Variants in RTN4 observed in about 807,000 individuals in gnomAD.
RTN4 encodes the protein reticulon-4.
Under a neutral mutation model 90.4 loss-of-function variants are expected in RTN4, and 32 were observed. That is an observed-to-expected ratio of 0.35 (90% CI 0.27 to 0.48). The LOEUF is 0.48. Ranked by LOEUF, RTN4 falls within the 20% of genes least tolerant of loss-of-function variation. RTN4 has a pLI of 0.99. For missense variants in RTN4, 1,706 were observed against 1,430.2 expected (o/e 1.19, Z -3.11); for synonymous variants, 629 against 552.5 (o/e 1.14, Z -1.94).
intron 2 of RTN4, among the ~76,000 whole-genome samples, chr2:55,072,531 G>A (rs1182103728): frequency 6.6e-6 from 1 of 152,116 alleles, no homozygotes; most frequent in Non-Finnish European, 1.5e-5. Context: ...ACCCGGCCCA[G>A]TATTTATATT....
At chr2:55,028,758 C>T (rs1682092027) in intron 1 of RTN4, among the ~76,000 whole-genome samples, 2 of 150,970 alleles carry the variant, frequency 1.3e-5, no homozygotes, top group South Asian at 2.1e-4. Flanking sequence ...TAGTCCTGTG[C>T]CAATGTCCAA....
the RTN4 span, among the ~76,000 whole-genome samples, chr2:55,119,683 G>A: frequency 6.6e-6 from 1 of 152,166 alleles, no homozygotes; most frequent in African/African-American, 2.4e-5. Context: ...AAAAGCAAAA[G>A]ATCAGGGAGA....
chr2:55,094,794 AGTT>A (rs1669002109), intron 1 of RTN4, among the ~76,000 whole-genome samples: 1 of 152,210 alleles, frequency 6.6e-6, no homozygotes, highest in African/African-American at 2.4e-5. Context: ...TAAGACTGAC[AGTT>A]ACCCCTGAGT....
intron 1 of RTN4, among the ~76,000 whole-genome samples, chr2:55,031,278 G>A (rs1486218444): frequency 6.6e-6 from 1 of 152,212 alleles, no homozygotes; most frequent in African/African-American, 2.4e-5. Flanking sequence ...AGGGAAACCT[G>A]CAAGATGACT....
chr2:55,029,165 C>T (rs1682123428), intron 1 of RTN4, among the ~76,000 whole-genome samples: 1 of 152,106 alleles, frequency 6.6e-6, no homozygotes, highest in African/African-American at 2.4e-5. Flanking sequence ...GTCATGTGTG[C>T]ACACAGTGAG....
At chr2:55,064,526 T>A (rs1558864242) in intron 2 of RTN4, among the ~76,000 whole-genome samples, 1 of 152,080 alleles carries the variant, frequency 6.6e-6, no homozygotes, top group African/African-American at 2.4e-5. Flanking sequence ...AATTTTTGTA[T>A]TTTTAGCAGA....
At chr2:55,079,773 G>T (rs1041519386) in intron 2 of RTN4, among the ~76,000 whole-genome samples, 1 of 152,168 alleles carries the variant, frequency 6.6e-6, no homozygotes, top group African/African-American at 2.4e-5. Context: ...GGAATAAAGA[G>T]ACCAACAGCC....
intron 2 of RTN4, among the ~76,000 whole-genome samples, chr2:55,073,260 T>G (rs1231184847): frequency 6.6e-6 from 1 of 152,240 alleles, no homozygotes; most frequent in Non-Finnish European, 1.5e-5. Context: ...TCAATCTCTA[T>G]TTATTTCTCT....
At chr2:55,096,947 C>A (rs1431654121) in intron 1 of RTN4, among the ~76,000 whole-genome samples, 1 of 151,728 alleles carries the variant, frequency 6.6e-6, no homozygotes, top group Admixed American at 6.6e-5. Flanking sequence ...TAGGTAGATG[C>A]GAGGTATTTA....
intron 4 of RTN4, among the ~76,000 whole-genome samples, chr2:54,985,442 G>C (rs1394170660): frequency 1.3e-5 from 2 of 152,048 alleles, no homozygotes; most frequent in African/African-American, 2.4e-5. Context: ...TTACAGGCAT[G>C]AGCCAACACG....
chr2:55,035,956 T>C (rs1682649186), intron 1 of RTN4, among the ~76,000 whole-genome samples: 1 of 151,956 alleles, frequency 6.6e-6, no homozygotes, highest in African/African-American at 2.4e-5. Context: ...CAAGCAGAAA[T>C]CAAAAATCAG....
chr2:55,027,021 C>G lies in RTN4; in HGVS notation c.1078G>C (p.Val360Leu). Residue 360 changes from valine (V) to leucine (L), a missense_variant, in exon 3 of 9, where the codon GTG becomes CTG. By Grantham distance (32) the Val-to-Leu change is conservative. Coordinates refer to ENST00000337526, the MANE Select transcript of RTN4 (RefSeq NM_020532.5). ...CTGTCTTTTGCTTTTTCTGAAGACACAACTTCATCCTCTTTAACCAATTTA... is the reference window on the plus strand; with the variant it reads ...CTGTCTTTTGCTTTTTCTGAAGACAGAACTTCATCCTCTTTAACCAATTTA... The part of the protein sequence containing the change: ...LTKLVKEDEV[V>L]SSEKAKDSFN... 6.2e-7 allele frequency: 1 copy of G among 1,613,556 alleles called. No homozygotes were observed. The highest frequency in any genetic ancestry group is 1.1e-5 in the South Asian group (1 of 91,084).
intron 1 of RTN4, among the ~76,000 whole-genome samples, chr2:55,038,925 A>C (rs1284316926): frequency 6.6e-6 from 1 of 152,238 alleles, no homozygotes; most frequent in Non-Finnish European, 1.5e-5. Context: ...GTTAAAAGGA[A>C]CAAATTACTG....
intron 2 of RTN4, among the ~76,000 whole-genome samples, chr2:55,067,680 G>T: frequency 6.6e-6 from 1 of 152,166 alleles, no homozygotes. Context: ...CTCCCAAAGT[G>T]CTGGGATTAC....
chr2:55,056,272 TA>T (rs1195032029), intron 2 of RTN4, among the ~76,000 whole-genome samples: 1 of 152,156 alleles, frequency 6.6e-6, no homozygotes, highest in East Asian at 1.9e-4. Flanking sequence ...CCCCTCGTGA[TA>T]GTCACTTAGC....
chr2:55,127,278 A>C, the RTN4 span, among the ~76,000 whole-genome samples: 1 of 152,230 alleles, frequency 6.6e-6, no homozygotes, highest in African/African-American at 2.4e-5. Context: ...AAGACAGGAC[A>C]AAAAGACTCA....
intron 1 of RTN4, among the ~76,000 whole-genome samples, chr2:55,037,258 T>G (rs74696717): frequency 6.6e-6 from 1 of 152,212 alleles, no homozygotes; most frequent in Admixed American, 6.5e-5. Context: ...ATCACATTCA[T>G]GGGTTGAAAG....
At chr2:55,077,322 T>C (rs2920889) in intron 2 of RTN4, among the ~76,000 whole-genome samples, 138,612 of 152,272 alleles carry the variant, frequency 0.91, 63,184 homozygotes, top group African/African-American at 0.95. Context: ...CTAGGGCAGT[T>C]CTCTATAGCA....
intron 1 of RTN4, among the ~76,000 whole-genome samples, chr2:55,086,571 G>A (rs1668842992): frequency 6.6e-6 from 1 of 152,044 alleles, no homozygotes; most frequent in African/African-American, 2.4e-5. Context: ...TAGGGAGGCT[G>A]AGGTGGGAGG....
Sources: gnomAD v4.1 joint callset for allele counts (sites outside exome capture counted in the v4.1 genomes callset) on GRCh38, gnomAD v4.1.1 for gene constraint, MANE v1.5 for transcripts, NCBI Gene and HGNC (gene_info 2026-07-23, HGNC 2026-07-21) for gene names.